EEFSEC: variants seen among roughly 807,000 people sequenced by gnomAD.
EEFSEC encodes selenocysteine-specific elongation factor.
A neutral mutation model predicts 42.1 loss-of-function variants in EEFSEC; 43 were observed. That is an observed-to-expected ratio of 1.02 (90% CI 0.80 to 1.32). The LOEUF (loss-of-function observed/expected upper bound fraction) is 1.32. Among genes scored for constraint, EEFSEC ranks in the 40% most tolerant of loss-of-function variants. The pLI, the probability that EEFSEC is intolerant of heterozygous loss-of-function variation, is 0.00. For missense variants in EEFSEC, 745 were observed against 803.6 expected (o/e 0.93, Z 0.88); for synonymous variants, 354 against 339.1 (o/e 1.04, Z -0.48).
intron 2 of EEFSEC, 89 bp from the exon 3 acceptor site, chr3:128,262,039 C>A: frequency 2.4e-6 from 3 of 1,233,502 alleles, no homozygotes; most frequent in Non-Finnish European, 3.5e-6. Flanking sequence ...GCTCACTGCA[C>A]TTGGTACTGT....
At chr3:128,409,748 G>A (rs1576714690), downstream of EEFSEC, among the ~76,000 whole-genome samples, 1 of 152,196 alleles carries the variant, frequency 6.6e-6, no homozygotes, top group African/African-American at 2.4e-5. Context: ...CTCTACTGCC[G>A]CTGCCTGAGC....
intron 4 of EEFSEC, among the ~76,000 whole-genome samples, chr3:128,299,902 G>C (rs1439884921): frequency 1.3e-5 from 2 of 152,266 alleles, no homozygotes; most frequent in African/African-American, 4.8e-5. Context: ...CTTGAGGTGT[G>C]ATCCAAGTCC....
intron 1 of EEFSEC, among the ~76,000 whole-genome samples, chr3:128,224,621 T>C (rs1406503400): frequency 6.6e-6 from 1 of 152,254 alleles, no homozygotes; most frequent in Non-Finnish European, 1.5e-5. Flanking sequence ...CCCCTGCTTT[T>C]CTTGCTGAAG....
intron 4 of EEFSEC, among the ~76,000 whole-genome samples, chr3:128,334,201 T>C (rs187350455): frequency 6.6e-5 from 10 of 152,352 alleles, no homozygotes; most frequent in Non-Finnish European, 8.8e-5. Context: ...CTTTGCTTTC[T>C]CACCCGAGAA....
downstream of EEFSEC, among the ~76,000 whole-genome samples, chr3:128,409,449 C>T (rs184862195): frequency 1.8e-4 from 28 of 152,198 alleles, no homozygotes; most frequent in African/African-American, 6.5e-4. Context: ...CAGAGCAAAG[C>T]CCCCGAGCTG....
intron 4 of EEFSEC, among the ~76,000 whole-genome samples, chr3:128,311,082 T>C (rs1162104519): frequency 6.6e-6 from 1 of 152,250 alleles, no homozygotes; most frequent in African/African-American, 2.4e-5. Flanking sequence ...GCAGGTGATA[T>C]CCTTCTAAGA....
At chr3:128,156,095 G>A (rs1576503154) in intron 1 of EEFSEC, among the ~76,000 whole-genome samples, 1 of 152,358 alleles carries the variant, frequency 6.6e-6, no homozygotes, top group East Asian at 1.9e-4. Flanking sequence ...CTAGTAAATA[G>A]GGTAGATGAG....
At chr3:128,300,624 TTTTA>T (rs1436451916) in intron 4 of EEFSEC, among the ~76,000 whole-genome samples, 2 of 152,180 alleles carry the variant, frequency 1.3e-5, no homozygotes, top group African/African-American at 4.8e-5. Flanking sequence ...AGTTTTCTAT[TTTTA>T]TTTCTGTTCC....
intron 1 of EEFSEC, among the ~76,000 whole-genome samples, chr3:128,169,445 A>G (rs1024907201): frequency 1.3e-5 from 2 of 152,214 alleles, no homozygotes; most frequent in Non-Finnish European, 2.9e-5. Flanking sequence ...AGCGTGGCAC[A>G]TCCTATCATT....
intron 4 of EEFSEC, among the ~76,000 whole-genome samples, chr3:128,332,165 TAC>T (rs142501047): frequency 0.015 from 2,297 of 152,278 alleles, 57 homozygotes; most frequent in African/African-American, 0.051. Flanking sequence ...ACATGTTATA[TAC>T]ACACACATGT....
chr3:128,323,930 C>A (rs745745028), intron 4 of EEFSEC, among the ~76,000 whole-genome samples: 22 of 152,336 alleles, frequency 1.4e-4, no homozygotes, highest in East Asian at 9.6e-4. Context: ...CGCCTCCCCC[C>A]CTGTGGCAGG....
At chr3:128,215,787 C>T (rs1480698703) in intron 1 of EEFSEC, among the ~76,000 whole-genome samples, 1 of 152,068 alleles carries the variant, frequency 6.6e-6, no homozygotes, top group Non-Finnish European at 1.5e-5. Context: ...ATTCTTAGGC[C>T]ACCCGGCTCC....
intron 6 of EEFSEC, among the ~76,000 whole-genome samples, chr3:128,380,758 C>A (rs1031117271): frequency 6.6e-6 from 1 of 152,204 alleles, no homozygotes; most frequent in African/African-American, 2.4e-5. Context: ...CACCTGCGAC[C>A]TGTTGGGTGG....
chr3:128,174,587 A>G (rs1310180595), intron 1 of EEFSEC, among the ~76,000 whole-genome samples: 2 of 152,216 alleles, frequency 1.3e-5, no homozygotes, highest in Non-Finnish European at 2.9e-5. Flanking sequence ...GAAGATTGAA[A>G]TTGGAATCTT....
At chr3:128,396,241 G>A (rs116264515) in intron 6 of EEFSEC, among the ~76,000 whole-genome samples, 2,230 of 152,262 alleles carry the variant, frequency 0.015, 51 homozygotes, top group African/African-American at 0.05. Flanking sequence ...GGCAGCTGGC[G>A]GCGCTAGTGG....
At chr3:128,174,777 A>G (rs1273750027) in intron 1 of EEFSEC, among the ~76,000 whole-genome samples, 2 of 152,162 alleles carry the variant, frequency 1.3e-5, no homozygotes, top group Non-Finnish European at 1.5e-5. Flanking sequence ...CACTTGGTAA[A>G]TGGAAGCAGG....
At chr3:128,395,011 T>C (rs1212545188) in intron 6 of EEFSEC, among the ~76,000 whole-genome samples, 2 of 152,228 alleles carry the variant, frequency 1.3e-5, no homozygotes, top group African/African-American at 4.8e-5. Context: ...CCAGGACTTC[T>C]GCATGCAGCG....
At chr3:128,232,091 C>T (rs2096211001) in intron 1 of EEFSEC, among the ~76,000 whole-genome samples, 1 of 152,118 alleles carries the variant, frequency 6.6e-6, no homozygotes, top group Non-Finnish European at 1.5e-5. Flanking sequence ...AGGTGTCTGC[C>T]AAAATCCTGT....
intron 4 of EEFSEC, among the ~76,000 whole-genome samples, chr3:128,316,488 G>T (rs926721613): frequency 1.8e-4 from 27 of 152,318 alleles, no homozygotes; most frequent in African/African-American, 5.3e-4. Context: ...CTGCACTCTT[G>T]CCCCATCCCC....
Sources: allele counts gnomAD v4.1 joint callset (sites outside exome capture counted in the v4.1 genomes callset), GRCh38; gene constraint gnomAD v4.1.1; transcripts MANE v1.5; gene names NCBI Gene and HGNC (gene_info 2026-07-23, HGNC 2026-07-21).